The following PI4KA variants were observed in gnomAD, a reference collection of about 807,000 sequenced individuals.
The protein encoded by PI4KA is PI4-kinase alpha.
A neutral mutation model predicts 271.4 loss-of-function variants in PI4KA; 122 were observed. That is an observed-to-expected ratio of 0.45 (90% CI 0.39 to 0.52). The LOEUF (loss-of-function observed/expected upper bound fraction) is 0.52. Among genes scored for constraint, PI4KA ranks in the 20% least tolerant of loss-of-function variants. The pLI, the probability that PI4KA is intolerant of heterozygous loss-of-function variation, is 0.00. For synonymous variants in PI4KA, 1,041 were observed against 1,078.8 expected (o/e 0.96, Z 0.69); for missense variants, 1,969 against 2,769.1 (o/e 0.71, Z 6.48).
intron 19 of PI4KA, among the ~76,000 whole-genome samples, chr22:20,776,633 G>C (rs1340560789): frequency 6.6e-6 from 1 of 152,172 alleles, no homozygotes; most frequent in East Asian, 1.9e-4. Flanking sequence ...AAGCATCCTG[G>C]TACTCCAGAG....
At chr22:20,807,114 A>G (rs79832512) in intron 10 of PI4KA, among the ~76,000 whole-genome samples, 4,526 of 152,360 alleles carry the variant, frequency 0.03, 88 homozygotes, top group Middle Eastern at 0.061. Context: ...TGCACATTTT[A>G]GATAAACACC....
intron 4 of PI4KA, among the ~76,000 whole-genome samples, chr22:20,822,073 G>A (rs980183675): frequency 1.3e-5 from 2 of 152,138 alleles, no homozygotes; most frequent in African/African-American, 4.8e-5. Flanking sequence ...CCAGGAGGCC[G>A]AGGATATAGT....
At chr22:20,808,078 G>A (rs1316907839) in intron 9 of PI4KA, among the ~76,000 whole-genome samples, 3 of 149,806 alleles carry the variant, frequency 2.0e-5, no homozygotes, top group Non-Finnish European at 4.4e-5. Context: ...ATCACCTGAG[G>A]TCGGGAGTTT....
chr22:20,732,452 C>T (rs1367616061), intron 36 of PI4KA, among the ~76,000 whole-genome samples: 1 of 152,206 alleles, frequency 6.6e-6, no homozygotes, highest in South Asian at 2.1e-4. Context: ...TTGCCCTGTC[C>T]ACCCTGCATG....
intron 29 of PI4KA, among the ~76,000 whole-genome samples, chr22:20,745,272 C>G (rs955966497): frequency 5.9e-5 from 9 of 152,220 alleles, no homozygotes; most frequent in African/African-American, 1.9e-4. Context: ...ACTCTCTCTG[C>G]TTCAGCCTCA....
rs1385093780 is a variant in PI4KA, at chr22:20,815,770, G to C, written c.857-2264C>G. On this transcript the variant is annotated intron_variant, in intron 7 of 54. Transcript: ENST00000255882. ...CGGATTAAAAAGGGTAGATGAGGGA[G>C]AAGGGAAGGTTGTGATTATCGGGCA... Among the ~76,000 whole-genome samples the C allele has an allele frequency of 2.0e-5, 3 of 152,192 alleles. No homozygotes were observed. The East Asian group carries it at 5.8e-4, about 29-fold the overall frequency.
At chr22:20,781,966 G>T (rs1447577749) in intron 19 of PI4KA, among the ~76,000 whole-genome samples, 1 of 152,220 alleles carries the variant, frequency 6.6e-6, no homozygotes, top group Admixed American at 6.5e-5. Context: ...CATGACAAGA[G>T]CTCAGCGAAT....
chr22:20,721,533 G>A (rs1241782849), intron 42 of PI4KA, 115 bp from the exon 43 acceptor site: 6 of 1,098,844 alleles, frequency 5.5e-6, no homozygotes, highest in Non-Finnish European at 8.2e-6. Flanking sequence ...AGGCCCGGTG[G>A]CTCTAGTGGT....
Position 20,858,746 on chromosome 22 carries a change from T to A in PI4KA, c.-21A>T. On this transcript the variant is annotated 5_prime_UTR_variant, in exon 1 of 55. Transcript: ENST00000255882. The stretch of plus-strand genomic sequence containing the variant: ...GCCATCACCTCACGAGCCGCGGCGC[T>A]GCCCGCCGGCTCCCCGCTCCTGGCC... The A allele has an allele frequency of 7.3e-7, 1 of 1,368,974 alleles. No individual in the cohort carries two copies. Among genetic ancestry groups the A allele is most frequent in the African/African-American group, 1.5e-5 (1 of 65,772 alleles). The allele number at this position is 1,368,974 out of a possible 1,614,324, so 84.8% of individuals were successfully genotyped here. A position where few individuals can be genotyped will look rare whatever the true frequency, so the allele number is the denominator to read the frequency against.
intron 15 of PI4KA, 26 bp downstream of exon 15, chr22:20,799,645 T>A: frequency 2.0e-6 from 3 of 1,506,244 alleles, no homozygotes; most frequent in Non-Finnish European, 2.7e-6. Flanking sequence ...ATGGGCTGCC[T>A]CTGAGAGACA....
intron 4 of PI4KA, among the ~76,000 whole-genome samples, chr22:20,820,828 G>A (rs1191648174): frequency 6.6e-6 from 1 of 152,174 alleles, no homozygotes; most frequent in Non-Finnish European, 1.5e-5. Flanking sequence ...TCCCAATACT[G>A]GGCCAATGTT....
intron 10 of PI4KA, among the ~76,000 whole-genome samples, chr22:20,806,775 G>A (rs1935677687): frequency 6.6e-6 from 1 of 151,728 alleles, no homozygotes; most frequent in African/African-American, 2.4e-5. Context: ...CTGTCACATA[G>A]GCTGGAGTGC....
intron 19 of PI4KA, among the ~76,000 whole-genome samples, chr22:20,792,710 C>T (rs887361271): frequency 2.6e-5 from 4 of 152,176 alleles, no homozygotes; most frequent in Non-Finnish European, 5.9e-5. Context: ...GATGGTGCCA[C>T]ACAGGAGGCA....
chr22:20,778,666 T>C (rs938056057), intron 19 of PI4KA, among the ~76,000 whole-genome samples: 12 of 152,202 alleles, frequency 7.9e-5, no homozygotes, highest in Admixed American at 3.9e-4. Flanking sequence ...AAAGGTGGAA[T>C]GGTGTGAGTC....
rs1209496955 is a variant in PI4KA at position 20,709,943 on chromosome 22, C to T, written c.6138G>A (p.Leu2046=). 1 of 1,613,478 alleles carries T rather than the reference C, an allele frequency of 6.2e-7. No homozygotes were observed. Among genetic ancestry groups the T allele is most frequent in the South Asian group, 1.1e-5 (1 of 91,062 alleles). ...TGATTGTCTGGCCGCGAAAACAGGG[C>T]AGGCCCGTGTCCAACATGAGAGTGA... The part of the protein sequence containing the change: ...SLVTLMLDTG[L]PCFRGQTIKL... The change falls in exon 53 of 55, where the codon CTG becomes CTA. Residue 2046 remains leucine, a synonymous_variant. Transcript: ENST00000255882.
At chr22:20,844,905 T>A (rs1926054894) in intron 1 of PI4KA, among the ~76,000 whole-genome samples, 1 of 151,864 alleles carries the variant, frequency 6.6e-6, no homozygotes. Flanking sequence ...AAAAGAAAAA[T>A]AACATCAAAT....
chr22:20,829,241 T>C (rs9620575), intron 3 of PI4KA, among the ~76,000 whole-genome samples: 6,375 of 152,238 alleles, frequency 0.042, 418 homozygotes, highest in African/African-American at 0.14. Flanking sequence ...TACCAGCTCT[T>C]CTTTATGCAT....
rs1477432398 is a variant in PI4KA at position 20,733,608 on chromosome 22, G to A, written c.4160+128C>T. 5 of 1,437,132 alleles carry A rather than the reference G, an allele frequency of 3.5e-6. No individual in the cohort carries two copies. The African/African-American group carries it at 4.2e-5, about 12-fold the overall frequency. 89.0% of individuals were successfully genotyped at this position (1,437,132 alleles called of 1,614,324 possible). A position where few individuals can be genotyped will look rare whatever the true frequency, so the allele number is the denominator to read the frequency against. ...CCACAGGGCCAGGGATACTGAAGGA[G>A]GAGGTTGGTGAGCACAACTGGGCAA... On this transcript the variant is annotated intron_variant, in intron 35 of 54. Coordinates refer to ENST00000255882, the MANE Select transcript of PI4KA (RefSeq NM_058004.4).
At chr22:20,798,221 T>TTA (rs1240479512) in intron 17 of PI4KA, among the ~76,000 whole-genome samples, 1 of 152,206 alleles carries the variant, frequency 6.6e-6, no homozygotes, top group Admixed American at 6.5e-5. Context: ...AGAGACTGGC[T>TTA]GGTTAAATCT....
Sources: gnomAD v4.1 joint callset for allele counts (sites outside exome capture counted in the v4.1 genomes callset) on GRCh38, gnomAD v4.1.1 for gene constraint, MANE v1.5 for transcripts, NCBI Gene and HGNC (gene_info 2026-07-23, HGNC 2026-07-21) for gene names.